ATM: variants seen among roughly 807,000 people sequenced by gnomAD.
ATM encodes ATM serine/threonine kinase.
In ATM, 308 loss-of-function variants were observed where a neutral mutation model predicts 387.0. The ratio of observed to expected loss-of-function variants is 0.80; its 90% CI spans 0.73 to 0.87. The LOEUF is 0.87. ATM is among the 40% of genes least tolerant of loss of function. The probability of loss-of-function intolerance (pLI) is 0.00; values close to 1 mark genes in which losing one functional copy is unlikely to be tolerated. For missense variants in ATM, 3,312 were observed against 3,560.9 expected (o/e 0.93, Z 1.78); for synonymous variants, 1,156 against 1,187.3 (o/e 0.97, Z 0.54).
chr11:108,244,295 G>A (rs1394160570), intron 6 of ATM, among the ~76,000 whole-genome samples, 177 bp downstream of exon 6: 3 of 152,176 alleles, frequency 2.0e-5, no homozygotes, highest in African/African-American at 7.2e-5. Context: ...TATCCAATAT[G>A]CAGAACACTA....
intron 31 of ATM, 44 bp from the exon 32 acceptor site, chr11:108,294,883 C>T: frequency 6.2e-7 from 1 of 1,609,062 alleles, no homozygotes; most frequent in Non-Finnish European, 8.5e-7. Context: ...ATTTCACAGG[C>T]TTAACCAATA....
chr11:108,229,457 G>C (rs1399716352), intron 4 of ATM, 134 bp downstream of exon 4: 1 of 886,494 alleles, frequency 1.1e-6, no homozygotes, highest in Non-Finnish European at 1.7e-6. Flanking sequence ...TAAAAGTTGA[G>C]TGTAAGTACA....
In ATM at chr11:108,284,289, C is replaced by A. The variant is rs2135705707; in HGVS notation, c.3809C>A (p.Ser1270Tyr). The A allele has an allele frequency of 6.2e-7, 1 of 1,613,444 alleles. No individual in the cohort carries two copies. The highest frequency in any genetic ancestry group is 1.1e-5 in the South Asian group (1 of 91,040). ...AGAAGTCATTTTGATGAGGTGAAGT[C>A]CATTGCTAATCAGATTCAAGAGGAC... Reference protein sequence around the residue: ...VIRSHFDEVKSIANQIQEDWK... With the variant: ...VIRSHFDEVKYIANQIQEDWK... Residue 1270 changes from serine (S) to tyrosine (Y), a missense_variant, in exon 26 of 63, where the codon TCC (serine) becomes TAC (tyrosine). By Grantham distance (144) the Ser-to-Tyr change is moderately radical. Transcript: ENST00000675843.
chr11:108,251,919 T>C lies in ATM; in HGVS notation c.1690T>C (p.Cys564Arg), dbSNP rs754524029. ...AAAAATGGGAATAGAGCAAAATATG[T>C]GTGAAGTAAATAGAAGCTTTTCTTT... The part of the protein sequence containing the change: ...TVKMGIEQNM[C>R]EVNRSFSLKE... The change falls in exon 11 of 63, where the codon TGT (cysteine) becomes CGT (arginine). Residue 564 changes from cysteine (C) to arginine (R), a missense_variant. By Grantham distance (180) the Cys-to-Arg change is radical (BLOSUM62 -3). Coordinates refer to ENST00000675843, the MANE Select transcript of ATM (RefSeq NM_000051.4). The C allele has an allele frequency of 6.2e-7, 1 of 1,613,988 alleles. No individual in the cohort carries two copies. Among genetic ancestry groups the C allele is most frequent in the East Asian group, 2.2e-5 (1 of 44,860 alleles).
chr11:108,343,138 T>C (rs2136932808), intron 56 of ATM, 84 bp from the exon 57 acceptor site: 1 of 1,560,242 alleles, frequency 6.4e-7, no homozygotes, highest in South Asian at 1.1e-5. Context: ...AAAAATGCTT[T>C]GCACTGACTC....
At chr11:108,331,792 A>G (rs2136508760) in intron 51 of ATM, 87 bp from the exon 52 acceptor site, 1 of 1,480,070 alleles carries the variant, frequency 6.8e-7, no homozygotes, top group Non-Finnish European at 9.3e-7. Flanking sequence ...CTAGACAGTA[A>G]TACACATTTT....
chr11:108,248,337 A>C (rs975700847), intron 8 of ATM, among the ~76,000 whole-genome samples: 1 of 152,004 alleles, frequency 6.6e-6, no homozygotes, highest in Non-Finnish European at 1.5e-5. Flanking sequence ...TCCCTTTGAA[A>C]GTAAAGGTTT....
At chr11:108,293,559 A>C in intron 31 of ATM, 82 bp downstream of exon 31, 1 of 1,228,466 alleles carries the variant, frequency 8.1e-7, no homozygotes, top group East Asian at 2.3e-5. Flanking sequence ...TCTAGCAGTA[A>C]AAAATGGAAT....
chr11:108,325,224 T>C, intron 45 of ATM, 86 bp from the exon 46 acceptor site: 1 of 890,854 alleles, frequency 1.1e-6, no homozygotes, highest in East Asian at 2.6e-5. Flanking sequence ...TATAATATTA[T>C]ATCGTAAGTT....
intron 22 of ATM, among the ~76,000 whole-genome samples, chr11:108,275,223 C>A (rs1288275226): frequency 1.3e-5 from 2 of 152,080 alleles, no homozygotes; most frequent in African/African-American, 2.4e-5. Context: ...GTAAATATTC[C>A]TCCACCCCTT....
chr11:108,291,328 A>G (rs1407492528), intron 29 of ATM, among the ~76,000 whole-genome samples: 1 of 152,220 alleles, frequency 6.6e-6, no homozygotes, highest in Non-Finnish European at 1.5e-5. Flanking sequence ...TGAGATTTCT[A>G]TTTTTTAAGG....
intron 44 of ATM, among the ~76,000 whole-genome samples, chr11:108,320,810 T>A (rs1469825788): frequency 6.6e-6 from 1 of 152,226 alleles, no homozygotes; most frequent in Non-Finnish European, 1.5e-5. Context: ...CTCAAAAGCT[T>A]AACTACTAAT....
chr11:108,286,284 G>A (rs2082485320), intron 26 of ATM, among the ~76,000 whole-genome samples: 2 of 117,496 alleles, frequency 1.7e-5, no homozygotes, highest in South Asian at 5.4e-4. Context: ...CTGCATTCCA[G>A]CCTGGGCAAC....
intron 16 of ATM, among the ~76,000 whole-genome samples, chr11:108,262,043 A>G (rs1374639257): frequency 6.6e-6 from 1 of 151,156 alleles, no homozygotes; most frequent in African/African-American, 2.5e-5. Flanking sequence ...AATGGAACCA[A>G]GTTGGAAAAC....
chr11:108,365,581 A>G lies in ATM; in HGVS notation c.*73A>G. ...TTTAGCCTTTATTTTTAACCTGCCAACATACTTTAAGTAGGGATTAATATT... is the reference window on the plus strand; with the variant it reads ...TTTAGCCTTTATTTTTAACCTGCCAGCATACTTTAAGTAGGGATTAATATT... On this transcript the variant is annotated 3_prime_UTR_variant, in exon 63 of 63. Coordinates refer to ENST00000675843, the MANE Select transcript of ATM (RefSeq NM_000051.4). 3.3e-6 allele frequency: 5 copies of G among 1,511,330 alleles called. No homozygotes were observed. The South Asian group carries it at 4.8e-5, about 14-fold the overall frequency. 93.6% of individuals were successfully genotyped at this position (1,511,330 alleles called of 1,614,324 possible).
intron 27 of ATM, among the ~76,000 whole-genome samples, chr11:108,288,004 T>C (rs2082585089): frequency 6.6e-6 from 1 of 152,088 alleles, no homozygotes; most frequent in Non-Finnish European, 1.5e-5. Flanking sequence ...GCCCTTGAAA[T>C]TTTTTTCTTC....
At chr11:108,252,588 ATGTTAAACATGC>A (rs2080215416) in intron 11 of ATM, among the ~76,000 whole-genome samples, 2 of 152,222 alleles carry the variant, frequency 1.3e-5, no homozygotes, top group Admixed American at 1.3e-4. Context: ...TTCAGAAATA[ATGTTAAACATGC>A]TGTTTCTAAA....
chr11:108,226,618 A>G (rs571685683), intron 1 of ATM: 2 of 152,336 alleles, frequency 1.3e-5, no homozygotes, highest in South Asian at 2.1e-4. Context: ...AAAGCTTACT[A>G]GCTCTGATAA....
chr11:108,274,535 T>G (rs1229911347), intron 22 of ATM, among the ~76,000 whole-genome samples: 1 of 152,230 alleles, frequency 6.6e-6, no homozygotes, highest in Non-Finnish European at 1.5e-5. Context: ...TAAACACTGC[T>G]TTAGCTGTGT....
Sources: gnomAD v4.1 joint callset for allele counts (sites outside exome capture counted in the v4.1 genomes callset) on GRCh38, gnomAD v4.1.1 for gene constraint, MANE v1.5 for transcripts, NCBI Gene and HGNC (gene_info 2026-07-23, HGNC 2026-07-21) for gene names.